TLR6: variants seen among roughly 807,000 people sequenced by gnomAD.
TLR6 encodes toll like receptor 6, also known as toll-like receptor 6.
In TLR6, 9 loss-of-function variants were observed where a neutral mutation model predicts 16.1. The ratio of observed to expected loss-of-function variants is 0.56; its 90% CI spans 0.34 to 0.98. TLR6 has a LOEUF of 0.98. Ranked by LOEUF, TLR6 falls within the 50% of genes least tolerant of loss-of-function variation. The pLI, the probability that TLR6 is intolerant of heterozygous loss-of-function variation, is 0.02. For missense variants in TLR6, 786 were observed against 921.0 expected, an observed-to-expected ratio of 0.85 and a Z score of 1.90; for synonymous variants, 340 against 338.6, an observed-to-expected ratio of 1.00 and a Z score of -0.04.
At chr4:38,837,267 C>T (rs956592706) in intron 1 of TLR6, among the ~76,000 whole-genome samples, 8 of 152,036 alleles carry the variant, frequency 5.3e-5, no homozygotes, top group African/African-American at 1.9e-4. Context: ...GAAAACACCC[C>T]AAATAGCCAA....
exon 2 of TLR6, chr4:38,827,355 C>T (rs1296415513): frequency 6.2e-7 from 1 of 1,614,114 alleles, no homozygotes; most frequent in Admixed American, 1.7e-5. Flanking sequence ...TCACTCTGGA[C>T]AAAGTTGGGA....
chr4:38,854,295 G>A (rs2109474596), intron 1 of TLR6, among the ~76,000 whole-genome samples: 1 of 152,130 alleles, frequency 6.6e-6, no homozygotes, highest in East Asian at 1.9e-4. Flanking sequence ...ACAGAAGGAG[G>A]GGCAGATTCT....
At chr4:38,850,426 T>A (rs1180302502) in intron 1 of TLR6, among the ~76,000 whole-genome samples, 1 of 152,020 alleles carries the variant, frequency 6.6e-6, no homozygotes, top group Non-Finnish European at 1.5e-5. Flanking sequence ...CTTCAAAAAA[T>A]CAATGAATCC....
exon 2 of TLR6, chr4:38,826,924 AC>A: frequency 1.6e-6 from 1 of 616,162 alleles, no homozygotes; most frequent in Non-Finnish European, 2.7e-6. Flanking sequence ...GGCTAACCTC[AC>A]CGCCTAGCTC....
intron 1 of TLR6, among the ~76,000 whole-genome samples, chr4:38,838,636 C>G (rs1268003586): frequency 6.6e-6 from 1 of 151,990 alleles, no homozygotes; most frequent in Non-Finnish European, 1.5e-5. Flanking sequence ...TAAAAACATA[C>G]AGTTAGATAA....
chr4:38,866,431 T>G, the TLR6 span, among the ~76,000 whole-genome samples: 1 of 151,832 alleles, frequency 6.6e-6, no homozygotes, highest in African/African-American at 2.4e-5. Flanking sequence ...AAGCAGAGGC[T>G]GCAGTGAGCT....
intron 1 of TLR6, among the ~76,000 whole-genome samples, chr4:38,852,223 A>G (rs1712798865): frequency 6.6e-6 from 1 of 152,218 alleles, no homozygotes; most frequent in Non-Finnish European, 1.5e-5. Context: ...TTATACAAAC[A>G]TTAATTCAAG....
At chr4:38,835,081 A>G (rs1421917162) in intron 1 of TLR6, among the ~76,000 whole-genome samples, 1 of 152,234 alleles carries the variant, frequency 6.6e-6, no homozygotes, top group African/African-American at 2.4e-5. Context: ...AAACAACCAG[A>G]AAACAATAAG....
the TLR6 span, chr4:38,867,728 G>C: frequency 6.6e-6 from 1 of 151,044 alleles, no homozygotes. Context: ...GGCGGGGCGG[G>C]GCCCCCTCTC....
At chr4:38,858,839 G>A (rs1713117676), upstream of TLR6, among the ~76,000 whole-genome samples, 3 of 54,598 alleles carry the variant, frequency 5.5e-5, no homozygotes, top group African/African-American at 2.3e-4. Context: ...GAGGAAGAAA[G>A]AAAGAAAGAA....
chr4:38,844,951 T>C lies in TLR6; in HGVS notation c.-65+11810A>G, dbSNP rs1033628803. Among the ~76,000 whole-genome samples, 27 of 152,002 alleles carry C rather than the reference T, an allele frequency of 1.8e-4. 1 individual carries two copies. Among genetic ancestry groups the C allele is most frequent in the African/African-American group, 4.8e-5 (2 of 41,352 alleles). ...GTACACACCTGTATTCCCAGCTACT[T>C]TGGGGGCTGAGGCAAGAGAATCGTT... is the stretch of plus-strand genomic sequence containing the variant. On this transcript the variant is annotated intron_variant, in intron 1 of 1. Transcript: ENST00000436693.
At chr4:38,862,273 T>C in the TLR6 span, among the ~76,000 whole-genome samples, 2 of 146,094 alleles carry the variant, frequency 1.4e-5, no homozygotes, top group African/African-American at 5.0e-5. Flanking sequence ...TGATGTATTA[T>C]TCCAATCACA....
chr4:38,840,982 G>A (rs1712230768), intron 1 of TLR6, among the ~76,000 whole-genome samples: 1 of 151,996 alleles, frequency 6.6e-6, no homozygotes, highest in African/African-American at 2.4e-5. Flanking sequence ...AGCTCTTATG[G>A]ACTACCTCCA....
intron 1 of TLR6, among the ~76,000 whole-genome samples, chr4:38,836,109 G>C (rs374850107): frequency 5.5e-4 from 84 of 151,758 alleles, no homozygotes; most frequent in African/African-American, 1.7e-3. Context: ...CAAATGTTAG[G>C]AGAAAGAAAG....
chr4:38,858,811 GAGGGA>G (rs1713109202), upstream of TLR6, among the ~76,000 whole-genome samples: 1 of 108,132 alleles, frequency 9.2e-6, no homozygotes, highest in African/African-American at 4.4e-5. Flanking sequence ...GAGAGAGAGA[GAGGGA>G]GAGAGAGAGA....
intron 1 of TLR6, among the ~76,000 whole-genome samples, chr4:38,856,219 T>C (rs376355195): frequency 3.9e-5 from 6 of 152,330 alleles, no homozygotes; most frequent in African/African-American, 1.4e-4. Context: ...TTTCTGCCAG[T>C]GCCATGCTAC....
chr4:38,844,216 A>G (rs549380010), intron 1 of TLR6, among the ~76,000 whole-genome samples: 9 of 152,324 alleles, frequency 5.9e-5, no homozygotes, highest in African/African-American at 2.2e-4. Context: ...ACCGATATGG[A>G]CAGCGACTGG....
chr4:38,824,511 T>C (rs978477031), exon 2 of TLR6: 5 of 152,252 alleles, frequency 3.3e-5, no homozygotes, highest in African/African-American at 4.8e-5. Context: ...GTGGGAAACA[T>C]TGATACCATT....
At chr4:38,836,201 A>G (rs1453359412) in intron 1 of TLR6, among the ~76,000 whole-genome samples, 2 of 152,102 alleles carry the variant, frequency 1.3e-5, no homozygotes, top group African/African-American at 4.8e-5. Context: ...TATTTTTTGA[A>G]AAGATAAACA....
Sources: allele counts gnomAD v4.1 joint callset (sites outside exome capture counted in the v4.1 genomes callset), GRCh38; gene constraint gnomAD v4.1.1; transcripts MANE v1.5; gene names NCBI Gene and HGNC (gene_info 2026-07-23, HGNC 2026-07-21).